Variants in CNTNAP2 observed in about 807,000 individuals in gnomAD.
The protein encoded by CNTNAP2 is contactin-associated protein-like 2.
In CNTNAP2, 98 loss-of-function variants were observed where a neutral mutation model predicts 155.2. That is an observed-to-expected ratio of 0.63 (90% CI 0.54 to 0.75). The LOEUF is 0.75. CNTNAP2 is among the 30% of genes least tolerant of loss of function. CNTNAP2 has a pLI of 0.00. For synonymous variants in CNTNAP2, 651 were observed against 631.2 expected, an observed-to-expected ratio of 1.03 and a Z score of -0.47; for missense variants, 1,727 against 1,688.1, an observed-to-expected ratio of 1.02 and a Z score of -0.40.
At position 146,947,576 on chromosome 7, in the gene CNTNAP2, CATATATAT is replaced by C. The variant is rs748336820; in HGVS notation, c.403-96316_403-96309del. On this transcript the variant is annotated intron_variant, in intron 3 of 23. Coordinates refer to ENST00000361727, the MANE Select transcript of CNTNAP2 (RefSeq NM_014141.6). ...GTGTGTGTATATATATATATATATA[CATATATAT>C]ATATATATATATATGTATATATCTT... Among the ~76,000 whole-genome samples the C allele has an allele frequency of 1.7e-4, 16 of 96,866 alleles. No homozygotes were observed. The East Asian group carries it at 4.4e-3, about 27-fold the overall frequency. 63.5% of individuals were successfully genotyped at this position (96,866 alleles called of 152,430 possible). A position where few individuals can be genotyped will look rare whatever the true frequency, so the allele number is the denominator to read the frequency against.
At chr7:147,054,766 A>G (rs1051008519) in intron 4 of CNTNAP2, among the ~76,000 whole-genome samples, 1 of 152,164 alleles carries the variant, frequency 6.6e-6, no homozygotes, top group African/African-American at 2.4e-5. Context: ...ATTTCAAGCA[A>G]TTTAAATTAC....
chr7:147,100,574 T>C (rs1800632541), intron 4 of CNTNAP2, among the ~76,000 whole-genome samples: 1 of 152,218 alleles, frequency 6.6e-6, no homozygotes, highest in Non-Finnish European at 1.5e-5. Context: ...TATAAACAAA[T>C]AACTCCAGTG....
At chr7:146,989,028 T>C (rs1228073602) in intron 3 of CNTNAP2, among the ~76,000 whole-genome samples, 2 of 152,208 alleles carry the variant, frequency 1.3e-5, no homozygotes, top group Non-Finnish European at 2.9e-5. Context: ...ACACCTGTTC[T>C]TCTTGTCTGC....
chr7:146,514,733 C>T (rs756723715), intron 1 of CNTNAP2, among the ~76,000 whole-genome samples: 2 of 151,670 alleles, frequency 1.3e-5, no homozygotes, highest in Non-Finnish European at 2.9e-5. Flanking sequence ...TTTCTTTGTA[C>T]ATTTGAGGTG....
intron 12 of CNTNAP2, among the ~76,000 whole-genome samples, chr7:147,569,959 A>G (rs1800252454): frequency 6.6e-6 from 1 of 152,156 alleles, no homozygotes. Context: ...TTAAAGACTG[A>G]CGTCTCCTAT....
chr7:146,136,659 G>A (rs180905594), intron 1 of CNTNAP2, among the ~76,000 whole-genome samples: 1 of 97,216 alleles, frequency 1.0e-5, no homozygotes, highest in East Asian at 3.3e-4. Context: ...GGTGTGGTTT[G>A]GTTTGGTTCT....
chr7:146,672,232 C>T (rs1248611370), intron 1 of CNTNAP2, among the ~76,000 whole-genome samples: 1 of 152,182 alleles, frequency 6.6e-6, no homozygotes, highest in Non-Finnish European at 1.5e-5. Context: ...CACTCTTCAG[C>T]AAATCTTTCT....
At chr7:146,924,717 GA>G (rs1379979610) in intron 3 of CNTNAP2, among the ~76,000 whole-genome samples, 3 of 151,458 alleles carry the variant, frequency 2.0e-5, no homozygotes, top group Non-Finnish European at 4.4e-5. Context: ...ACTATTTTTT[GA>G]AAAAAAATTC....
At chr7:148,349,106 A>T (rs928448132) in intron 21 of CNTNAP2, among the ~76,000 whole-genome samples, 16 of 151,964 alleles carry the variant, frequency 1.1e-4, no homozygotes, top group Admixed American at 3.9e-4. Context: ...TGAGAAAAAA[A>T]TAAATAAATA....
chr7:147,524,081 G>C (rs79865197), intron 11 of CNTNAP2, among the ~76,000 whole-genome samples: 3,584 of 152,142 alleles, frequency 0.024, 134 homozygotes, highest in African/African-American at 0.083. Context: ...ATAAAACTTC[G>C]GGTCAGACTC....
chr7:147,717,935 G>T (rs1009440953), intron 13 of CNTNAP2, among the ~76,000 whole-genome samples: 1 of 147,158 alleles, frequency 6.8e-6, no homozygotes, highest in Non-Finnish European at 1.5e-5. Flanking sequence ...AATTTCCTCT[G>T]TTTTTTTTTT....
chr7:148,119,422 C>T (rs574984758), intron 16 of CNTNAP2, among the ~76,000 whole-genome samples: 14 of 151,594 alleles, frequency 9.2e-5, no homozygotes, highest in Non-Finnish European at 1.9e-4. Context: ...GTCCCAGCTA[C>T]TTGGGAGGCT....
At chr7:147,281,053 A>G (rs1805022862) in intron 8 of CNTNAP2, among the ~76,000 whole-genome samples, 1 of 151,922 alleles carries the variant, frequency 6.6e-6, no homozygotes, top group Non-Finnish European at 1.5e-5. Context: ...TCTCGATTTA[A>G]TCATCTGTTC....
In CNTNAP2 at chr7:147,950,877, C is replaced by T. The variant is rs1163762973; in HGVS notation, c.2256-26985C>T. Among the ~76,000 whole-genome samples, 3 of 152,158 alleles carry T rather than the reference C, an allele frequency of 2.0e-5. No homozygotes were observed. In the East Asian group the frequency reaches 5.8e-4, roughly 29 times the overall value. On this transcript the variant is annotated intron_variant, in intron 14 of 23. Transcript: ENST00000361727. ...GAGTGAAGGTCAAGAGAAATCCGTA[C>T]CAAAAAACTTTGTTAAATTAACCTT... is the stretch of plus-strand genomic sequence containing the variant.
At chr7:147,207,978 T>G (rs2116564981) in intron 8 of CNTNAP2, among the ~76,000 whole-genome samples, 1 of 152,286 alleles carries the variant, frequency 6.6e-6, no homozygotes, top group African/African-American at 2.4e-5. Context: ...ACTTACGAAA[T>G]TATCAAGATG....
chr7:146,788,916 C>T (rs1802625476), intron 2 of CNTNAP2, among the ~76,000 whole-genome samples: 1 of 152,012 alleles, frequency 6.6e-6, no homozygotes, highest in African/African-American at 2.4e-5. Flanking sequence ...ATTTTTCTGA[C>T]CCCAAGAGAC....
intron 8 of CNTNAP2, among the ~76,000 whole-genome samples, chr7:147,266,207 A>C (rs1022317414): frequency 6.6e-6 from 1 of 152,188 alleles, no homozygotes; most frequent in Non-Finnish European, 1.5e-5. Context: ...AGCATGTTCT[A>C]ACCCAATACC....
intron 3 of CNTNAP2, among the ~76,000 whole-genome samples, chr7:146,955,273 T>C (rs1395755158): frequency 6.6e-6 from 1 of 152,044 alleles, no homozygotes; most frequent in Admixed American, 6.5e-5. Flanking sequence ...CATCTTCTTT[T>C]GCTAAATATT....
intron 14 of CNTNAP2, among the ~76,000 whole-genome samples, chr7:147,947,317 G>A (rs1800837793): frequency 6.6e-6 from 1 of 151,922 alleles, no homozygotes; most frequent in East Asian, 1.9e-4. Flanking sequence ...GGTTTTCCTA[G>A]TCAGATAAGG....
Sources: allele counts gnomAD v4.1 joint callset (sites outside exome capture counted in the v4.1 genomes callset), GRCh38; gene constraint gnomAD v4.1.1; transcripts MANE v1.5; gene names NCBI Gene and HGNC (gene_info 2026-07-23, HGNC 2026-07-21).